The following KIAA0319L variants were observed in gnomAD, a reference collection of about 807,000 sequenced individuals.
KIAA0319L encodes KIAA0319 like.
In KIAA0319L, 55 loss-of-function variants were observed where a neutral mutation model predicts 120.1. The ratio of observed to expected loss-of-function variants is 0.46; its 90% confidence interval spans 0.37 to 0.57. The LOEUF is 0.57. KIAA0319L is among the 20% of genes least tolerant of loss of function. The pLI is 0.00. For synonymous variants in KIAA0319L, 398 were observed against 471.9 expected (o/e 0.84, Z 2.03); for missense variants, 1,049 against 1,255.3 (o/e 0.84, Z 2.48).
intron 16 of KIAA0319L, among the ~76,000 whole-genome samples, chr1:35,445,336 T>C (rs1641540276): frequency 6.6e-6 from 1 of 152,210 alleles, no homozygotes; most frequent in African/African-American, 2.4e-5. Context: ...ACTTTTGCCA[T>C]AAAGGATGTG....
At chr1:35,470,492 CAAAAAA>C (rs34215571) in intron 6 of KIAA0319L, among the ~76,000 whole-genome samples, 4 of 73,404 alleles carry the variant, frequency 5.4e-5, no homozygotes, top group African/African-American at 1.1e-4. Context: ...GACCCTGTCT[CAAAAAA>C]AAAAAAAAAA....
chr1:35,554,950 T>G (rs1243824897), intron 1 of KIAA0319L: 1 of 153,176 alleles, frequency 6.5e-6, no homozygotes, highest in Non-Finnish European at 1.5e-5. Context: ...CTGAGGGTTA[T>G]GTCTGGCCCA....
chr1:35,538,289 A>T (rs750770889), intron 2 of KIAA0319L, among the ~76,000 whole-genome samples: 8 of 152,116 alleles, frequency 5.3e-5, no homozygotes, highest in Non-Finnish European at 1.2e-4. Context: ...CATCCTAGAG[A>T]AGGTACAAAA....
intron 2 of KIAA0319L, among the ~76,000 whole-genome samples, chr1:35,514,403 C>G (rs1645597217): frequency 6.6e-6 from 1 of 151,648 alleles, no homozygotes; most frequent in African/African-American, 2.4e-5. Context: ...GACTAAATGC[C>G]CCCACTTAAA....
At chr1:35,512,871 C>CAAA (rs746942793) in intron 2 of KIAA0319L, among the ~76,000 whole-genome samples, 56 of 48,060 alleles carry the variant, frequency 1.2e-3, no homozygotes, top group African/African-American at 2.2e-3. Flanking sequence ...GACTCCATCT[C>CAAA]AAAAAAAAAA....
intron 2 of KIAA0319L, among the ~76,000 whole-genome samples, chr1:35,517,458 G>A (rs1469476693): frequency 6.6e-6 from 1 of 152,160 alleles, no homozygotes; most frequent in Non-Finnish European, 1.5e-5. Flanking sequence ...AACAAGCAAT[G>A]AGGAAAAGAC....
chr1:35,482,119 C>T (rs564116096), intron 3 of KIAA0319L, among the ~76,000 whole-genome samples: 15 of 152,046 alleles, frequency 9.9e-5, no homozygotes, highest in South Asian at 6.2e-4. Flanking sequence ...CCACCACGCC[C>T]GGCCTGCTTT....
chr1:35,545,311 C>A (rs1484039663), intron 2 of KIAA0319L, among the ~76,000 whole-genome samples: 1 of 152,096 alleles, frequency 6.6e-6, no homozygotes, highest in African/African-American at 2.4e-5. Flanking sequence ...GCAGAGACAC[C>A]AGAAAGGCCT....
chr1:35,548,622 T>G (rs1162051468), intron 2 of KIAA0319L, among the ~76,000 whole-genome samples: 1 of 152,134 alleles, frequency 6.6e-6, no homozygotes, highest in East Asian at 1.9e-4. Flanking sequence ...ATGTATAAAT[T>G]TATATACAGG....
chr1:35,474,969 T>C (rs1290496139), intron 4 of KIAA0319L, 63 bp from the exon 5 acceptor site: 2 of 934,652 alleles, frequency 2.1e-6, no homozygotes, highest in Non-Finnish European at 1.7e-6. Context: ...TTTCTCTCTT[T>C]CTTTTGTGAT....
rs1319983707 is a variant in KIAA0319L, at chr1:35,442,849, G to GCGCAGAACCACA, written c.2779+56_2779+57insTGTGGTTCTGCG. The stretch of plus-strand genomic sequence containing the variant: ...AGAAACACCAACACCCACCCACTCA[G>GCGCAGAACCACA]TGCAGAACCACATTCAGCGCCAAAC... On this transcript the variant is annotated intron_variant, in intron 18 of 20. Coordinates refer to ENST00000325722, the MANE Select transcript of KIAA0319L (RefSeq NM_024874.5). 4.3e-6 allele frequency: 7 copies of GCGCAGAACCACA among 1,610,848 alleles called. No individual in the cohort carries two copies. In the African/African-American group the frequency reaches 9.4e-5, roughly 22 times the overall value.
chr1:35,447,297 A>G (rs1440004242), intron 16 of KIAA0319L, among the ~76,000 whole-genome samples: 1 of 152,102 alleles, frequency 6.6e-6, no homozygotes, highest in Admixed American at 6.5e-5. Context: ...ACAAAACAAA[A>G]ACTTCACACA....
chr1:35,507,395 A>G (rs1645246463), intron 2 of KIAA0319L, among the ~76,000 whole-genome samples: 3 of 152,212 alleles, frequency 2.0e-5, no homozygotes, highest in Non-Finnish European at 4.4e-5. Flanking sequence ...CCTTTTACAC[A>G]GAATGTCACT....
intron 20 of KIAA0319L, among the ~76,000 whole-genome samples, chr1:35,436,780 A>AC (rs538620417): frequency 3.5e-4 from 53 of 152,242 alleles, no homozygotes; most frequent in Non-Finnish European, 5.9e-4. Context: ...CTCCTTCCTC[A>AC]GTTACTGTTC....
chr1:35,484,806 A>ATATATATAT (rs1381080295), intron 3 of KIAA0319L, among the ~76,000 whole-genome samples: 1 of 86,262 alleles, frequency 1.2e-5, no homozygotes, highest in Non-Finnish European at 2.2e-5. Flanking sequence ...ATATATATAT[A>ATATATATAT]TTTTTTTTTT....
intron 3 of KIAA0319L, among the ~76,000 whole-genome samples, chr1:35,501,449 A>T (rs1421763559): frequency 6.6e-6 from 1 of 152,156 alleles, no homozygotes; most frequent in Non-Finnish European, 1.5e-5. Flanking sequence ...TCTTGCTGCC[A>T]CTTCAACTCT....
intron 2 of KIAA0319L, among the ~76,000 whole-genome samples, chr1:35,531,442 G>A (rs1281701618): frequency 1.3e-5 from 2 of 152,216 alleles, no homozygotes; most frequent in Non-Finnish European, 2.9e-5. Context: ...TTGGGCCCCA[G>A]GGCAGGATAC....
chr1:35,501,126 T>A (rs1644989262), intron 3 of KIAA0319L, among the ~76,000 whole-genome samples: 1 of 152,114 alleles, frequency 6.6e-6, no homozygotes, highest in Non-Finnish European at 1.5e-5. Flanking sequence ...GAAATCCTAC[T>A]CACCAGCAGC....
chr1:35,464,040 T>C (rs140948530), intron 7 of KIAA0319L, among the ~76,000 whole-genome samples: 1 of 152,336 alleles, frequency 6.6e-6, no homozygotes, highest in African/African-American at 2.4e-5. Context: ...TTAAAACTCA[T>C]TCTTTTGTAA....
Sources: allele counts gnomAD v4.1 joint callset (sites outside exome capture counted in the v4.1 genomes callset), GRCh38; gene constraint gnomAD v4.1.1; transcripts MANE v1.5; gene names NCBI Gene and HGNC (gene_info 2026-07-23, HGNC 2026-07-21).